Variants in TAFA5 observed in about 807,000 individuals in gnomAD.
TAFA5 encodes chemokine-like protein TAFA-5.
Under a neutral mutation model 15.3 loss-of-function variants are expected in TAFA5, and 6 were observed. The observed-to-expected ratio is 0.39, with a 90% CI of 0.21 to 0.77. The LOEUF (loss-of-function observed/expected upper bound fraction) is 0.77, where lower values mean the gene tolerates loss of function less well. TAFA5 is among the 30% of genes least tolerant of loss of function. The pLI is 0.41. For missense variants in TAFA5, 161 were observed against 193.1 expected, an observed-to-expected ratio of 0.83 and a Z score of 0.98; for synonymous variants, 103 against 80.7, an observed-to-expected ratio of 1.28 and a Z score of -1.48.
At chr22:48,707,175 GA>G (rs1929105139) in intron 2 of TAFA5, among the ~76,000 whole-genome samples, 1 of 152,144 alleles carries the variant, frequency 6.6e-6, no homozygotes, top group Non-Finnish European at 1.5e-5. Context: ...GACGAGGCGG[GA>G]GTAGGATGGG....
chr22:48,580,174 A>C (rs539809958), intron 1 of TAFA5, among the ~76,000 whole-genome samples: 7 of 152,164 alleles, frequency 4.6e-5, no homozygotes, highest in Non-Finnish European at 1.0e-4. Context: ...AACGGATTCA[A>C]CTTCCATTGA....
chr22:48,496,549 A>AG (rs1928331025), intron 1 of TAFA5, among the ~76,000 whole-genome samples: 3 of 152,166 alleles, frequency 2.0e-5, no homozygotes, highest in African/African-American at 7.2e-5. Flanking sequence ...CAGGGGAGTC[A>AG]GGGACGCCTG....
In TAFA5 at chr22:48,599,490, C is replaced by T. The variant is rs374686446; in HGVS notation, c.113-47107C>T. ...GTGGGCAGGTGGGCTTGAGGCTCCT[C>T]AGCAGCCGCTGATCAGACTCAGCAT... is the stretch of plus-strand genomic sequence containing the variant. On this transcript the variant is annotated intron_variant, in intron 1 of 3. Coordinates refer to ENST00000402357, the MANE Select transcript of TAFA5 (RefSeq NM_001082967.3). 2.6e-4 allele frequency among the ~76,000 whole-genome samples: 40 copies of T among 152,382 alleles called. No homozygotes were observed. In the East Asian group the frequency reaches 5.6e-3, roughly 21 times the overall value.
At chr22:48,723,587 A>G (rs1929632674) in intron 3 of TAFA5, among the ~76,000 whole-genome samples, 1 of 152,162 alleles carries the variant, frequency 6.6e-6, no homozygotes, top group Non-Finnish European at 1.5e-5. Flanking sequence ...CATTGTACCA[A>G]AAAGACTTAC....
intron 1 of TAFA5, among the ~76,000 whole-genome samples, chr22:48,517,686 G>T (rs949706451): frequency 9.9e-5 from 15 of 152,120 alleles, no homozygotes; most frequent in Admixed American, 5.2e-4. Flanking sequence ...CTTGCATGGG[G>T]CACGCACAGA....
At chr22:48,663,476 G>T (rs1043419572) in intron 2 of TAFA5, among the ~76,000 whole-genome samples, 1 of 152,214 alleles carries the variant, frequency 6.6e-6, no homozygotes, top group Non-Finnish European at 1.5e-5. Flanking sequence ...GCCTTTGCAA[G>T]CATGATTTTA....
chr22:48,725,051 C>T (rs1016892418), intron 3 of TAFA5, among the ~76,000 whole-genome samples: 2 of 152,260 alleles, frequency 1.3e-5, no homozygotes, highest in East Asian at 1.9e-4. Flanking sequence ...GCAGCTTAGA[C>T]AGAAGTCTGA....
intron 1 of TAFA5, among the ~76,000 whole-genome samples, chr22:48,596,146 A>C (rs1924756726): frequency 6.6e-6 from 1 of 152,282 alleles, no homozygotes; most frequent in African/African-American, 2.4e-5. Context: ...GCTGTGCCAG[A>C]TTTATTTTTC....
chr22:48,751,267 C>T lies in TAFA5; in HGVS notation c.*1420C>T, dbSNP rs754147568. 6.6e-6 allele frequency: 1 copy of T among 152,438 alleles called. No individual in the cohort carries two copies. The highest frequency in any genetic ancestry group is 1.5e-5 in the Non-Finnish European group (1 of 68,040). 9.4% of individuals were successfully genotyped at this position (152,438 alleles called of 1,614,324 possible). The stretch of plus-strand genomic sequence containing the variant: ...GCCCTTCTCCCCACGCCTGTGTCCC[C>T]GCGTTCTGAGAAGTCCTCTGTCTTC... On this transcript the variant is annotated 3_prime_UTR_variant, in exon 4 of 4. Coordinates refer to ENST00000402357, the MANE Select transcript of TAFA5 (RefSeq NM_001082967.3).
intron 1 of TAFA5, among the ~76,000 whole-genome samples, chr22:48,568,655 C>T (rs916467388): frequency 2.6e-5 from 4 of 152,226 alleles, no homozygotes; most frequent in African/African-American, 4.8e-5. Context: ...TTGCAGTGGG[C>T]GTCAGTGAGG....
chr22:48,514,123 C>G (rs1921319476), intron 1 of TAFA5, among the ~76,000 whole-genome samples: 1 of 152,168 alleles, frequency 6.6e-6, no homozygotes, highest in Non-Finnish European at 1.5e-5. Flanking sequence ...TGTCAGGGCC[C>G]TTGGCTGCAC....
At chr22:48,696,926 T>G (rs1431947333) in intron 2 of TAFA5, among the ~76,000 whole-genome samples, 2 of 152,182 alleles carry the variant, frequency 1.3e-5, no homozygotes, top group African/African-American at 4.8e-5. Flanking sequence ...AAAACCTCCC[T>G]GGAAATCCAA....
intron 1 of TAFA5, among the ~76,000 whole-genome samples, chr22:48,625,038 C>T (rs1410827261): frequency 1.3e-5 from 2 of 151,862 alleles, no homozygotes; most frequent in Non-Finnish European, 2.9e-5. Context: ...TTGCTTGAAC[C>T]CAGGAGGCAG....
At chr22:48,533,373 CTGGCACAGA>C (rs1922038639) in intron 1 of TAFA5, among the ~76,000 whole-genome samples, 1 of 152,192 alleles carries the variant, frequency 6.6e-6, no homozygotes, top group Non-Finnish European at 1.5e-5. Flanking sequence ...CCCAGCACAG[CTGGCACAGA>C]GGTGGCAGGG....
chr22:48,682,765 C>G (rs1928234050), intron 2 of TAFA5, among the ~76,000 whole-genome samples: 1 of 152,164 alleles, frequency 6.6e-6, no homozygotes, highest in African/African-American at 2.4e-5. Context: ...GAGGCCTTTG[C>G]TTTGCGGGTG....
intron 1 of TAFA5, among the ~76,000 whole-genome samples, chr22:48,608,753 C>T (rs1925290033): frequency 6.6e-6 from 1 of 152,204 alleles, no homozygotes; most frequent in South Asian, 2.1e-4. Context: ...CGTGGAGGGG[C>T]TCCCGAAGCC....
chr22:48,586,399 A>T (rs1195184997), intron 1 of TAFA5, among the ~76,000 whole-genome samples: 1 of 152,252 alleles, frequency 6.6e-6, no homozygotes, highest in Non-Finnish European at 1.5e-5. Flanking sequence ...CTGCAGCATG[A>T]TACCAGGCTA....
chr22:48,650,235 T>G (rs5771883), intron 2 of TAFA5, among the ~76,000 whole-genome samples: 44,937 of 152,158 alleles, frequency 0.3, 6,854 homozygotes, highest in South Asian at 0.34. Context: ...CCTACCGCGT[T>G]CCGTGACCAC....
At chr22:48,559,431 G>A (rs954724005) in intron 1 of TAFA5, among the ~76,000 whole-genome samples, 14 of 152,126 alleles carry the variant, frequency 9.2e-5, no homozygotes, top group Non-Finnish European at 1.2e-4. Context: ...GAGATGAGCC[G>A]GGTAACCTGA....
Sources: gnomAD v4.1 joint callset for allele counts (sites outside exome capture counted in the v4.1 genomes callset) on GRCh38, gnomAD v4.1.1 for gene constraint, MANE v1.5 for transcripts, NCBI Gene and HGNC (gene_info 2026-07-23, HGNC 2026-07-21) for gene names.